Variants in DNASE1 observed in about 807,000 individuals in gnomAD.
DNASE1 encodes the protein deoxyribonuclease 1, also known as deoxyribonuclease-1.
Under a neutral mutation model 33.9 loss-of-function variants are expected in DNASE1, and 40 were observed. The ratio of observed to expected loss-of-function variants is 1.18; its 90% CI spans 0.92 to 1.54. The LOEUF (loss-of-function observed/expected upper bound fraction) is 1.54. DNASE1 is among the 40% of genes most tolerant of loss of function. The pLI is 0.00. For missense variants in DNASE1, 518 were observed against 372.6 expected (o/e 1.39, Z -3.21); for synonymous variants, 216 against 160.0 (o/e 1.35, Z -2.64).
chr16:3,657,840 CACATGAGGATGGGACACAGGAGCTCAGGT>C, intron 8 of DNASE1, 24 bp downstream of exon 8: 1 of 1,614,010 alleles, frequency 6.2e-7, no homozygotes, highest in Non-Finnish European at 8.5e-7. Flanking sequence ...CTTGCACAGC[CACATGAGGATGGGACACAGGAGCTCAGGT>C]AGGCTCAGCC....
At chr16:3,641,696 T>C (rs2042027399), upstream of DNASE1, among the ~76,000 whole-genome samples, 1 of 152,156 alleles carries the variant, frequency 6.6e-6, no homozygotes, top group Non-Finnish European at 1.5e-5. Flanking sequence ...AGGTGACAGC[T>C]CATGGCTTCC....
In DNASE1 at chr16:3,657,796, T is replaced by A; in HGVS notation, c.781T>A (p.Tyr261Asn). 1 of 1,613,852 alleles carries A rather than the reference T, an allele frequency of 6.2e-7. No homozygotes were observed. Among genetic ancestry groups the A allele is most frequent in the Non-Finnish European group, 8.5e-7 (1 of 1,179,900 alleles). Residue 261 changes from tyrosine to asparagine, a missense_variant, in exon 8 of 9, where the codon TAT becomes AAT. Coordinates refer to ENST00000246949, the MANE Select transcript of DNASE1 (RefSeq NM_005223.4). ...SALPFNFQAA[Y>N]GLSDQLAQAI... Reference sequence around the variant, plus strand: ...TCTTCCCTTTAACTTCCAGGCTGCCTATGGCCTGAGTGACCAACTGGTATG... The same window carrying A: ...TCTTCCCTTTAACTTCCAGGCTGCCAATGGCCTGAGTGACCAACTGGTATG...
chr16:3,646,009 A>T (rs759091648), intron 1 of DNASE1, among the ~76,000 whole-genome samples: 1 of 152,098 alleles, frequency 6.6e-6, no homozygotes, highest in African/African-American at 2.4e-5. Context: ...GGGGCCAGCA[A>T]ACACCTCCCA....
intron 1 of DNASE1, among the ~76,000 whole-genome samples, chr16:3,644,096 G>A (rs1455811589): frequency 6.6e-6 from 1 of 152,148 alleles, no homozygotes; most frequent in Non-Finnish European, 1.5e-5. Flanking sequence ...CATAGAATTG[G>A]AATTCATAAA....
chr16:3,628,025 C>G (rs1280363850), intron 1 of DNASE1, among the ~76,000 whole-genome samples: 2 of 147,744 alleles, frequency 1.4e-5, no homozygotes, highest in Non-Finnish European at 3.0e-5. Flanking sequence ...GTATTGACAT[C>G]TTAACAATAT....
At chr16:3,625,538 G>T (rs555507568) in intron 1 of DNASE1, among the ~76,000 whole-genome samples, 1 of 151,958 alleles carries the variant, frequency 6.6e-6, no homozygotes, top group African/African-American at 2.4e-5. Context: ...AAATGGGATC[G>T]CTTGAGCCCA....
chr16:3,643,449 G>A (rs2042079430), intron 1 of DNASE1, among the ~76,000 whole-genome samples: 1 of 152,242 alleles, frequency 6.6e-6, no homozygotes, highest in African/African-American at 2.4e-5. Context: ...GCCTCGCCGG[G>A]ACAAGCCACA....
At chr16:3,662,221 C>A, downstream of DNASE1, 1 of 1,494,072 alleles carries the variant, frequency 6.7e-7, no homozygotes, top group Non-Finnish European at 9.0e-7. Context: ...GTCACCCAGA[C>A]CACGAGGTAG....
exon 10 of DNASE1, chr16:3,664,498 CA>C: frequency 6.4e-7 from 1 of 1,573,440 alleles, no homozygotes; most frequent in Non-Finnish European, 8.6e-7. Flanking sequence ...ATTCCAGGCC[CA>C]TGGGCTCAAT....
In DNASE1 at chr16:3,657,763, G is replaced by C. The variant is rs750030744; in HGVS notation, c.748G>C (p.Asp250His). 6.2e-6 allele frequency: 10 copies of C among 1,613,936 alleles called. No homozygotes were observed. The highest frequency in any genetic ancestry group is 5.3e-5 in the African/African-American group (4 of 74,914). The change falls in exon 8 of 9, where the codon GAC (aspartate) becomes CAC (histidine). Residue 250 changes from aspartate (D) to histidine (H), a missense_variant. Transcript: ENST00000246949. ...GMLLRGAVVP[D>H]SALPFNFQAA... ...GCTGCTCCGAGGCGCCGTTGTTCCC[G>C]ACTCGGCTCTTCCCTTTAACTTCCA... is the stretch of plus-strand genomic sequence containing the variant.
At chr16:3,656,888 T>A (rs1431944980) in intron 5 of DNASE1, 111 bp from the exon 6 acceptor site, 34 of 1,546,056 alleles carry the variant, frequency 2.2e-5, no homozygotes. Context: ...TCAAGTCATT[T>A]GGAAAATATC....
upstream of DNASE1, among the ~76,000 whole-genome samples, chr16:3,641,435 G>T (rs1427707039): frequency 6.6e-6 from 1 of 152,232 alleles, no homozygotes; most frequent in Non-Finnish European, 1.5e-5. Context: ...CCCAGCACAG[G>T]CAGGCCCTCT....
chr16:3,656,433 CTGT>C (rs1378777145), intron 4 of DNASE1, among the ~76,000 whole-genome samples: 7 of 112,278 alleles, frequency 6.2e-5, no homozygotes, highest in African/African-American at 2.1e-4. Context: ...CCCCGCCCTC[CTGT>C]CGCCTGGGTC....
At chr16:3,618,231 C>A in intron 1 of DNASE1, among the ~76,000 whole-genome samples, 1 of 149,076 alleles carries the variant, frequency 6.7e-6, no homozygotes. Flanking sequence ...ACTTCATGGC[C>A]AGTAGGACAG....
At chr16:3,620,365 T>TTTTA (rs1314485893) in intron 1 of DNASE1, among the ~76,000 whole-genome samples, 1 of 151,888 alleles carries the variant, frequency 6.6e-6, no homozygotes, top group Non-Finnish European at 1.5e-5. Context: ...TAAAGAAACC[T>TTTTA]TTTATTTATT....
intron 1 of DNASE1, among the ~76,000 whole-genome samples, chr16:3,618,239 C>A: frequency 2.8e-5 from 4 of 142,062 alleles, no homozygotes; most frequent in Middle Eastern, 3.6e-3. Context: ...GCCAGTAGGA[C>A]AGCCATTTCC....
downstream of DNASE1, chr16:3,660,213 C>T (rs904588630): frequency 5.9e-5 from 9 of 152,360 alleles, no homozygotes; most frequent in East Asian, 3.9e-4. Flanking sequence ...CACAAATGCA[C>T]ATAATCTCTG....
At chr16:3,643,991 T>TCGTGATCCGCCCACCC (rs1193894252) in intron 1 of DNASE1, among the ~76,000 whole-genome samples, 101 of 152,170 alleles carry the variant, frequency 6.6e-4, no homozygotes, top group African/African-American at 2.2e-3. Context: ...TTTGCCTGCC[T>TCGTGATCCGCCCACCC]CGGCCTCCCA....
chr16:3,646,648 A>T (rs1476059565), intron 1 of DNASE1, among the ~76,000 whole-genome samples: 2 of 152,176 alleles, frequency 1.3e-5, no homozygotes, highest in Non-Finnish European at 2.9e-5. Flanking sequence ...CGTGTTAGGG[A>T]CAATGAGAAA....
Sources: gnomAD v4.1 joint callset for allele counts (sites outside exome capture counted in the v4.1 genomes callset) on GRCh38, gnomAD v4.1.1 for gene constraint, MANE v1.5 for transcripts, NCBI Gene and HGNC (gene_info 2026-07-23, HGNC 2026-07-21) for gene names.